The following RGL1 variants were observed in gnomAD, a reference collection of about 807,000 sequenced individuals.
The protein encoded by RGL1 is ral guanine nucleotide dissociation stimulator-like 1.
RGL1 carries 24 observed loss-of-function variants against 95.2 expected under a neutral mutation model. The ratio of observed to expected loss-of-function variants is 0.25; its 90% CI spans 0.18 to 0.35. The LOEUF is 0.35. Ranked by LOEUF, RGL1 falls within the 10% of genes least tolerant of loss-of-function variation. The probability of loss-of-function intolerance (pLI) is 1.00; values close to 1 mark genes in which losing one functional copy is unlikely to be tolerated. For synonymous variants in RGL1, 329 were observed against 344.9 expected, an observed-to-expected ratio of 0.95 and a Z score of 0.51; for missense variants, 715 against 936.3, an observed-to-expected ratio of 0.76 and a Z score of 3.08.
At chr1:183,768,964 C>T (rs1427188043) in intron 2 of RGL1, among the ~76,000 whole-genome samples, 1 of 152,108 alleles carries the variant, frequency 6.6e-6, no homozygotes, top group Non-Finnish European at 1.5e-5. Context: ...AAATATGTTT[C>T]CCTGTATCAT....
At chr1:183,746,875 A>G (rs986739383) in intron 2 of RGL1, among the ~76,000 whole-genome samples, 11 of 150,956 alleles carry the variant, frequency 7.3e-5, no homozygotes, top group Admixed American at 1.3e-4. Flanking sequence ...TCATTGTTCA[A>G]CTCCCACTTA....
At chr1:183,657,090 C>T (rs1053005538) in intron 1 of RGL1, among the ~76,000 whole-genome samples, 9 of 144,528 alleles carry the variant, frequency 6.2e-5, no homozygotes, top group Non-Finnish European at 1.2e-4. Flanking sequence ...TTTTTTATTT[C>T]TGTGAAAAAT....
intron 1 of RGL1, chr1:183,742,071 T>C: frequency 6.9e-7 from 1 of 1,456,418 alleles, no homozygotes; most frequent in Non-Finnish European, 9.4e-7. Flanking sequence ...CTTCGATGTC[T>C]CTTTTAATGT....
intron 1 of RGL1, among the ~76,000 whole-genome samples, chr1:183,640,716 T>C (rs985358735): frequency 6.6e-6 from 1 of 152,228 alleles, no homozygotes; most frequent in Non-Finnish European, 1.5e-5. Flanking sequence ...GCATCTCTTA[T>C]CACACTGTAT....
intron 2 of RGL1, among the ~76,000 whole-genome samples, chr1:183,825,483 T>A (rs1662784310): frequency 6.6e-6 from 1 of 151,988 alleles, no homozygotes; most frequent in Admixed American, 6.6e-5. Context: ...GAGGCCAAAG[T>A]TTTAAATACA....
At chr1:183,839,340 T>A (rs2500106) in intron 2 of RGL1, among the ~76,000 whole-genome samples, 1 of 151,968 alleles carries the variant, frequency 6.6e-6, no homozygotes, top group Non-Finnish European at 1.5e-5. Flanking sequence ...ATTTTCTTTC[T>A]TATAGGTGAC....
chr1:183,773,167 C>T (rs1325651987), intron 2 of RGL1, among the ~76,000 whole-genome samples: 1 of 152,082 alleles, frequency 6.6e-6, no homozygotes, highest in Non-Finnish European at 1.5e-5. Context: ...CTGCAGACCA[C>T]ATTATGTGCC....
chr1:183,739,468 G>C (rs1419216136), intron 1 of RGL1, among the ~76,000 whole-genome samples: 1 of 152,210 alleles, frequency 6.6e-6, no homozygotes, highest in East Asian at 1.9e-4. Flanking sequence ...TAACCTCTCT[G>C]AATCTTATTT....
intron 2 of RGL1, among the ~76,000 whole-genome samples, chr1:183,825,468 T>C (rs1322540741): frequency 6.6e-6 from 1 of 152,156 alleles, no homozygotes; most frequent in African/African-American, 2.4e-5. Flanking sequence ...GCACAGACTT[T>C]AGGGGAGGCC....
At position 183,893,337 on chromosome 1, in the gene RGL1, A is replaced by G. The variant is rs77311622; in HGVS notation, c.1140+1176A>G. Among the ~76,000 whole-genome samples, 6 of 152,356 alleles carry G rather than the reference A, an allele frequency of 3.9e-5. No individual in the cohort carries two copies. The East Asian group carries it at 1.2e-3, about 29-fold the overall frequency. ...CTTTTCTATAAATGGGAGCCAATCA[A>G]AGTATTTGGTCTGTTGACTTCATAG... On this transcript the variant is annotated intron_variant, in intron 9 of 17. Coordinates refer to ENST00000360851, the MANE Select transcript of RGL1 (RefSeq NM_001297671.3).
At chr1:183,848,515 C>T (rs1473127632) in intron 3 of RGL1, among the ~76,000 whole-genome samples, 1 of 152,106 alleles carries the variant, frequency 6.6e-6, no homozygotes, top group Non-Finnish European at 1.5e-5. Context: ...CTGGGGTTTC[C>T]TGCATAAGGA....
rs533863428 is a variant in RGL1, at chr1:183,922,470, T to C, written c.2119+134T>C. On this transcript the variant is annotated intron_variant, in intron 17 of 17. Transcript: ENST00000360851. ...GGGACCTAGTGGTGGTTTTTGATAG[T>C]GCAAGGGTGAACAACCGTGCCATCA... The C allele has an allele frequency of 7.1e-5, 48 of 677,302 alleles. 1 individual carries two copies. In the South Asian group the frequency reaches 8.4e-4, roughly 12 times the overall value. 42.0% of individuals were successfully genotyped at this position (677,302 alleles called of 1,614,324 possible). A position where few individuals can be genotyped will look rare whatever the true frequency, so the allele number is the denominator to read the frequency against.
At chr1:183,669,566 T>TGCCTTATAATTTTTGGTTA (rs919607213) in intron 1 of RGL1, among the ~76,000 whole-genome samples, 1 of 152,220 alleles carries the variant, frequency 6.6e-6, no homozygotes, top group African/African-American at 2.4e-5. Flanking sequence ...TCTTTTAGTT[T>TGCCTTATAATTTTTGGTTA]GCCTTATAAT....
rs554463965 is a variant in RGL1, at chr1:183,902,510, T to C, written c.1318-58T>C. 45 of 1,466,160 alleles carry C rather than the reference T, an allele frequency of 3.1e-5. No homozygotes were observed. The African/African-American group carries it at 4.8e-4, about 16-fold the overall frequency. 90.8% of individuals were successfully genotyped at this position (1,466,160 alleles called of 1,614,324 possible). On this transcript the variant is annotated intron_variant, in intron 11 of 17. Transcript: ENST00000360851. ...TATTTTAATGTGACCTACGACAACA[T>C]ATGGCTGTGTTTTAAAGTAGCTTGG...
At chr1:183,650,859 T>C (rs1318578279) in intron 1 of RGL1, among the ~76,000 whole-genome samples, 1 of 152,128 alleles carries the variant, frequency 6.6e-6, no homozygotes, top group Non-Finnish European at 1.5e-5. Flanking sequence ...TATTTTTTTG[T>C]TGCTATAATG....
At chr1:183,912,676 A>G (rs1668717041) in intron 15 of RGL1, among the ~76,000 whole-genome samples, 1 of 152,170 alleles carries the variant, frequency 6.6e-6, no homozygotes, top group African/African-American at 2.4e-5. Context: ...TAAAACAACC[A>G]CTATTTATCT....
At chr1:183,870,084 G>C (rs950621998) in intron 4 of RGL1, among the ~76,000 whole-genome samples, 1 of 152,182 alleles carries the variant, frequency 6.6e-6, no homozygotes, top group Non-Finnish European at 1.5e-5. Context: ...CATGCCAACA[G>C]ACAACACAAA....
At chr1:183,858,158 A>G (rs560916989) in intron 3 of RGL1, among the ~76,000 whole-genome samples, 40 of 152,268 alleles carry the variant, frequency 2.6e-4, no homozygotes, top group African/African-American at 7.9e-4. Context: ...CTGACAAGAA[A>G]CTGAAATGTA....
chr1:183,833,280 T>C (rs1012247157), intron 2 of RGL1, among the ~76,000 whole-genome samples: 3 of 152,186 alleles, frequency 2.0e-5, no homozygotes, highest in Non-Finnish European at 4.4e-5. Context: ...CCAGATGACT[T>C]TATCCAAGCT....
Sources: allele counts gnomAD v4.1 joint callset (sites outside exome capture counted in the v4.1 genomes callset), GRCh38; gene constraint gnomAD v4.1.1; transcripts MANE v1.5; gene names NCBI Gene and HGNC (gene_info 2026-07-23, HGNC 2026-07-21).